Variants in NSD2 observed in about 807,000 individuals in gnomAD.
NSD2 encodes nuclear receptor binding SET domain protein 2.
A neutral mutation model predicts 139.0 loss-of-function variants in NSD2; 12 were observed. The ratio of observed to expected loss-of-function variants is 0.09; its 90% CI spans 0.06 to 0.14. The LOEUF is 0.14. Ranked by LOEUF, NSD2 falls within the 10% of genes least tolerant of loss-of-function variation. The pLI, the probability that NSD2 is intolerant of heterozygous loss-of-function variation, is 1.00. For missense variants in NSD2, 1,155 were observed against 1,745.0 expected (o/e 0.66, Z 6.02); for synonymous variants, 669 against 648.7 (o/e 1.03, Z -0.48).
intron 18 of NSD2, among the ~76,000 whole-genome samples, chr4:1,966,272 G>T (rs1725872657): frequency 1.3e-5 from 2 of 152,194 alleles, no homozygotes; most frequent in African/African-American, 4.8e-5. Context: ...GAAGAAGAAA[G>T]ATCTCAAAGT....
rs749348112 is a variant in NSD2, at chr4:1,978,826, G to C, written c.4015G>C (p.Glu1339Gln). ...GGCATCGGTCAGAAGCACCAAGACT[G>C]AGAAGCCCCCCCCAGAGCCAGGGAA... is the stretch of plus-strand genomic sequence containing the variant. ...GAASVRSTKT[E>Q]KPPPEPGKPK... is the part of the protein sequence containing the mutation. The change falls in exon 22 of 22, where the codon GAG becomes CAG. Residue 1339 changes from glutamate to glutamine, a missense_variant. Glu to Gln is a conservative substitution (Grantham distance 29). Transcript: ENST00000508803. 2 of 1,606,898 alleles carry C rather than the reference G, an allele frequency of 1.2e-6. No homozygotes were observed. The highest frequency in any genetic ancestry group is 1.3e-5 in the African/African-American group (1 of 74,826).
At chr4:1,922,374 C>T (rs542023236) in intron 5 of NSD2, among the ~76,000 whole-genome samples, 72 of 152,244 alleles carry the variant, frequency 4.7e-4, no homozygotes, top group Non-Finnish European at 8.2e-4. Context: ...ATCAATATTA[C>T]GAAATATGCA....
chr4:1,942,498 A>C lies in NSD2; in HGVS notation c.1881+2720A>C. On this transcript the variant is annotated intron_variant, in intron 9 of 21. Transcript: ENST00000508803. This position sits in a 1 kb window ranked among gnomAD's most constrained non-coding sequence, Gnocchi z 4.0. ...AATCATTTTATGGAAGATGTGTGAT[A>C]ATCTGTTTTTACTGGTATTAATAAA... 6.6e-7 allele frequency: 1 copy of C among 1,513,688 alleles called. No homozygotes were observed. Among genetic ancestry groups the C allele is most frequent in the Non-Finnish European group, 8.9e-7 (1 of 1,129,708 alleles). 93.8% of individuals were successfully genotyped at this position (1,513,688 alleles called of 1,614,324 possible).
In NSD2 at chr4:1,956,581, G is replaced by A. The variant is rs1724825481; in HGVS notation, c.2881+393G>A. ...TTTCAGTGCATGAGGAATCAGGGGTGGTCAAGCAGACAAGGTGCTTGGCCT... is the reference window on the plus strand; with the variant it reads ...TTTCAGTGCATGAGGAATCAGGGGTAGTCAAGCAGACAAGGTGCTTGGCCT... On this transcript the variant is annotated intron_variant, in intron 15 of 21. Coordinates refer to ENST00000508803, the MANE Select transcript of NSD2 (RefSeq NM_001042424.3). This position sits in a 1 kb window ranked among gnomAD's most constrained non-coding sequence, Gnocchi z 5.3. Among the ~76,000 whole-genome samples the A allele has an allele frequency of 6.6e-6, 1 of 152,188 alleles. No individual in the cohort carries two copies. The highest frequency in any genetic ancestry group is 1.5e-5 in the Non-Finnish European group (1 of 68,040).
chr4:1,942,472 C>T lies in NSD2; in HGVS notation c.1881+2694C>T, dbSNP rs916020248. 6.8e-5 allele frequency: 105 copies of T among 1,545,722 alleles called. No homozygotes were observed. Among genetic ancestry groups the T allele is most frequent in the Non-Finnish European group, 5.2e-6 (6 of 1,145,042 alleles). ...TACACACTCAGTGACATTTCTATCA[C>T]AATCATTTTATGGAAGATGTGTGAT... On this transcript the variant is annotated intron_variant, in intron 9 of 21. Coordinates refer to ENST00000508803, the MANE Select transcript of NSD2 (RefSeq NM_001042424.3). This position sits in a 1 kb window ranked among gnomAD's most constrained non-coding sequence, Gnocchi z 4.0.
At chr4:1,893,555 T>TTG (rs1553860850) in intron 1 of NSD2, among the ~76,000 whole-genome samples, 2,160 of 147,906 alleles carry the variant, frequency 0.015, 51 homozygotes, top group African/African-American at 0.052. Context: ...TTTTTTTTTT[T>TTG]TTTTGTTTTG....
intron 5 of NSD2, among the ~76,000 whole-genome samples, chr4:1,923,469 G>A (rs1480918726): frequency 1.3e-5 from 2 of 152,152 alleles, no homozygotes; most frequent in Admixed American, 6.5e-5. Flanking sequence ...GCTCAACTGC[G>A]GCCATGCCCA....
chr4:1,876,730 C>T (rs1034786509), intron 1 of NSD2, among the ~76,000 whole-genome samples: 8 of 151,974 alleles, frequency 5.3e-5, no homozygotes, highest in African/African-American at 1.9e-4. Context: ...GTGAGACTAC[C>T]CTAGTGGGTG....
chr4:1,944,301 A>AC, intron 9 of NSD2: 1 of 1,066,228 alleles, frequency 9.4e-7, no homozygotes, highest in Middle Eastern at 4.2e-4. Context: ...GTTTGAAAGA[A>AC]CTTAGGGAGG....
chr4:1,948,590 G>A lies in NSD2; in HGVS notation c.1882-2482G>A. On this transcript the variant is annotated intron_variant, in intron 9 of 21. Coordinates refer to ENST00000508803, the MANE Select transcript of NSD2 (RefSeq NM_001042424.3). This position sits in a 1 kb window ranked among gnomAD's most constrained non-coding sequence, Gnocchi z 4.5. ...GAAAAAGTCGGAATCTCTGCAATCT[G>A]TGTCATGGACTGTACTATTGTAAGG... 9.4e-7 allele frequency: 1 copy of A among 1,063,852 alleles called. No homozygotes were observed. The highest frequency in any genetic ancestry group is 4.6e-5 in the South Asian group (1 of 21,962). The allele number at this position is 1,063,852 out of a possible 1,614,324, so 65.9% of individuals were successfully genotyped here.
rs751306053 is a variant in NSD2, at chr4:1,978,713, A to T, written c.3902A>T (p.Asn1301Ile). 6.2e-7 allele frequency: 1 copy of T among 1,613,870 alleles called. No individual in the cohort carries two copies. The highest frequency in any genetic ancestry group is 1.3e-5 in the African/African-American group (1 of 74,876). The change falls in exon 22 of 22, where the codon AAT becomes ATT. Residue 1301 changes from asparagine to isoleucine, a missense_variant. By Grantham distance (149) the Asn-to-Ile change is moderately radical (BLOSUM62 -3). Around this residue, in one of 8 missense-constraint regions of NSD2, gnomAD observed 132 missense variants for 94.3 expected, o/e 1.40. Coordinates refer to ENST00000508803, the MANE Select transcript of NSD2 (RefSeq NM_001042424.3). ...PSTSFCHLCP[N>I]SFCKEHQDGT... ...ACTTCATTTTGCCACCTCTGCCCCA[A>T]TTCGTTCTGTAAGGAGCACCAGGAC...
intron 10 of NSD2, 97 bp from the exon 11 acceptor site, chr4:1,952,011 T>C: frequency 6.6e-7 from 1 of 1,521,146 alleles, no homozygotes; most frequent in East Asian, 2.3e-5. Context: ...AAATGGGATT[T>C]TCTGCCACTG....
chr4:1,905,900 A>T (rs781581830), intron 3 of NSD2, among the ~76,000 whole-genome samples: 5 of 152,156 alleles, frequency 3.3e-5, no homozygotes, highest in Non-Finnish European at 5.9e-5. Context: ...AGTGTATGAA[A>T]AAATAAATGC....
intron 1 of NSD2, among the ~76,000 whole-genome samples, chr4:1,881,231 T>C (rs1714671287): frequency 6.6e-6 from 1 of 152,036 alleles, no homozygotes; most frequent in Admixed American, 6.6e-5. Flanking sequence ...CGTGTGCCAC[T>C]ACACCTGGCT....
intron 1 of NSD2, among the ~76,000 whole-genome samples, chr4:1,878,759 G>A (rs1436923124): frequency 6.6e-6 from 1 of 152,174 alleles, no homozygotes; most frequent in Admixed American, 6.6e-5. Flanking sequence ...ATGGGCTGGT[G>A]GCAGAGGTCA....
chr4:1,889,165 T>C (rs1715345070), intron 1 of NSD2, among the ~76,000 whole-genome samples: 1 of 152,194 alleles, frequency 6.6e-6, no homozygotes, highest in South Asian at 2.1e-4. Context: ...CCCAAAGTGC[T>C]GGGATTACAG....
intron 9 of NSD2, chr4:1,940,195 A>G: frequency 2.2e-5 from 24 of 1,084,506 alleles, no homozygotes; most frequent in Non-Finnish European, 2.7e-5. Flanking sequence ...CTCACACACC[A>G]CACCTGATTC....
At chr4:1,877,585 A>G (rs1456078282) in intron 1 of NSD2, among the ~76,000 whole-genome samples, 1 of 152,044 alleles carries the variant, frequency 6.6e-6, no homozygotes, top group Non-Finnish European at 1.5e-5. Context: ...TCCTTCTGCC[A>G]GGTCTCAGCT....
At chr4:1,925,683 G>C (rs1315388085) in intron 5 of NSD2, among the ~76,000 whole-genome samples, 1 of 151,802 alleles carries the variant, frequency 6.6e-6, no homozygotes, top group African/African-American at 2.4e-5. Flanking sequence ...ACAGGCCTGA[G>C]CCACTGCACC....
Sources: allele counts gnomAD v4.1 joint callset (sites outside exome capture counted in the v4.1 genomes callset), GRCh38; gene constraint gnomAD v4.1.1; regional missense constraint gnomAD v4.1.1; non-coding constraint Gnocchi (gnomAD v3.1); transcripts MANE v1.5; gene names NCBI Gene and HGNC (gene_info 2026-07-23, HGNC 2026-07-21).